The following STK38L variants were observed in gnomAD, a reference collection of about 807,000 sequenced individuals.
The protein encoded by STK38L is serine/threonine-protein kinase 38-like.
STK38L carries 28 observed loss-of-function variants against 59.7 expected under a neutral mutation model. That is an observed-to-expected ratio of 0.47 (90% CI 0.35 to 0.64). The LOEUF (loss-of-function observed/expected upper bound fraction) is 0.64, where lower values mean the gene tolerates loss of function less well. Ranked by LOEUF, STK38L falls within the 30% of genes least tolerant of loss-of-function variation. The pLI is 0.01. For synonymous variants in STK38L, 162 were observed against 176.8 expected (o/e 0.92, Z 0.66); for missense variants, 314 against 555.8 (o/e 0.56, Z 4.37).
chr12:27,300,103 A>G (rs568859592), intron 2 of STK38L, among the ~76,000 whole-genome samples: 1 of 152,276 alleles, frequency 6.6e-6, no homozygotes, highest in East Asian at 1.9e-4. Context: ...CTTTTTCCAA[A>G]TAAAGGAAAG....
intron 1 of STK38L, among the ~76,000 whole-genome samples, chr12:27,263,652 T>TA (rs1334508267): frequency 6.6e-6 from 1 of 152,212 alleles, no homozygotes; most frequent in Non-Finnish European, 1.5e-5. Flanking sequence ...ATGTACATGT[T>TA]AAAGAGAGGC....
intron 1 of STK38L, among the ~76,000 whole-genome samples, chr12:27,287,191 C>T (rs566320149): frequency 1.1e-4 from 16 of 151,764 alleles, no homozygotes; most frequent in South Asian, 4.2e-4. Context: ...CTGCAACCTC[C>T]GCCTCCCAGG....
At chr12:27,307,266 CTGTT>C (rs1466885797) in intron 3 of STK38L, among the ~76,000 whole-genome samples, 5 of 152,172 alleles carry the variant, frequency 3.3e-5, no homozygotes, top group African/African-American at 1.2e-4. Context: ...CTTCATTTAG[CTGTT>C]TGAAGACATT....
chr12:27,280,667 AC>A (rs1416783847), intron 1 of STK38L, among the ~76,000 whole-genome samples: 1 of 152,224 alleles, frequency 6.6e-6, no homozygotes, highest in Non-Finnish European at 1.5e-5. Context: ...CGGAGATAAG[AC>A]TGGCTGCCAT....
Position 27,319,383 on chromosome 12 carries a change from G to C in STK38L, c.1135G>C (p.Gly379Arg). 2 of 1,613,306 alleles carry C rather than the reference G, an allele frequency of 1.2e-6. No individual in the cohort carries two copies. Among genetic ancestry groups the C allele is most frequent in the Non-Finnish European group, 8.5e-7 (1 of 1,179,536 alleles). The change falls in exon 12 of 14, where the codon GGT becomes CGT. Residue 379 changes from glycine (G) to arginine (R), a missense_variant. Transcript: ENST00000389032. Reference protein sequence around the residue: ...IGNSGVEEIKGHPFFEGVDWE... With the variant: ...IGNSGVEEIKRHPFFEGVDWE... The stretch of plus-strand genomic sequence containing the variant: ...AAATAGTGGAGTAGAAGAAATAAAA[G>C]GTCATCCCTTTTTTGAAGGTGTCGA...
intron 1 of STK38L, among the ~76,000 whole-genome samples, chr12:27,292,979 T>A (rs1262196080): frequency 6.6e-6 from 1 of 152,170 alleles, no homozygotes; most frequent in Non-Finnish European, 1.5e-5. Flanking sequence ...CTCACTCTGT[T>A]ACCCAGGCTG....
intron 1 of STK38L, among the ~76,000 whole-genome samples, chr12:27,275,089 C>T (rs1489102131): frequency 7.2e-5 from 11 of 152,132 alleles, no homozygotes; most frequent in Admixed American, 6.5e-4. Flanking sequence ...GCTTCCTTAC[C>T]ACTTTTCAAG....
At chr12:27,271,242 C>T (rs936469166) in intron 1 of STK38L, among the ~76,000 whole-genome samples, 3 of 152,216 alleles carry the variant, frequency 2.0e-5, no homozygotes, top group Non-Finnish European at 4.4e-5. Flanking sequence ...TCATAGGTAT[C>T]TGAAGAAATA....
At chr12:27,275,153 T>C (rs899914395) in intron 1 of STK38L, among the ~76,000 whole-genome samples, 8 of 152,196 alleles carry the variant, frequency 5.3e-5, no homozygotes, top group African/African-American at 1.9e-4. Context: ...ATCTGGTTCC[T>C]ACTTTCCTGT....
At chr12:27,294,766 G>A (rs1277350669) in intron 1 of STK38L, among the ~76,000 whole-genome samples, 12 of 150,208 alleles carry the variant, frequency 8.0e-5, no homozygotes, top group Non-Finnish European at 1.5e-5. Flanking sequence ...AGGCTGCAGT[G>A]CAGTGGTTCA....
At chr12:27,252,219 T>A (rs1323611914) in intron 1 of STK38L, among the ~76,000 whole-genome samples, 1 of 152,172 alleles carries the variant, frequency 6.6e-6, no homozygotes, top group Non-Finnish European at 1.5e-5. Flanking sequence ...GACCTCGTGA[T>A]CCGCCTGCCT....
chr12:27,261,228 T>C (rs1943197450), intron 1 of STK38L, among the ~76,000 whole-genome samples: 1 of 152,160 alleles, frequency 6.6e-6, no homozygotes, highest in African/African-American at 2.4e-5. Flanking sequence ...TGTGGGAGAA[T>C]TCTAGCGGCT....
chr12:27,296,562 T>G (rs1344872609), intron 1 of STK38L, among the ~76,000 whole-genome samples: 1 of 152,234 alleles, frequency 6.6e-6, no homozygotes, highest in Non-Finnish European at 1.5e-5. Flanking sequence ...GCTCTGTATC[T>G]TCTTTACTTA....
Position 27,308,413 on chromosome 12 carries a change from G to A in STK38L, c.261G>A (p.Leu87=). 6.3e-7 allele frequency: 1 copy of A among 1,598,700 alleles called. No individual in the cohort carries two copies. Among genetic ancestry groups the A allele is most frequent in the Non-Finnish European group, 8.5e-7 (1 of 1,170,878 alleles). Residue 87 remains leucine (L), a synonymous_variant, in exon 4 of 14, where the codon TTG becomes TTA. Transcript: ENST00000389032. This position sits in a 1 kb window ranked among gnomAD's most constrained non-coding sequence, Gnocchi z 4.5. ...GGCTCAAAAGGACCAGACTTGGCTTGGATGACTTTGAGTCTCTGAAAGTTA... is the reference window on the plus strand; with the variant it reads ...GGCTCAAAAGGACCAGACTTGGCTTAGATGACTTTGAGTCTCTGAAAGTTA... ...FLRLKRTRLG[L]DDFESLKVIG...
chr12:27,261,661 A>G (rs946505737), intron 1 of STK38L, among the ~76,000 whole-genome samples: 3 of 152,196 alleles, frequency 2.0e-5, no homozygotes, highest in African/African-American at 4.8e-5. Context: ...CAGTTAATCA[A>G]AATTACATAG....
At position 27,308,091 on chromosome 12, in the gene STK38L, T is replaced by TACAC. The variant is rs1555141930; in HGVS notation, c.187-247_187-246insCACA. On this transcript the variant is annotated intron_variant, in intron 3 of 13. Coordinates refer to ENST00000389032, the MANE Select transcript of STK38L (RefSeq NM_015000.4). This position sits in a 1 kb window ranked among gnomAD's most constrained non-coding sequence, Gnocchi z 4.5. ...TTACCATATAGATGAAAGAATAAGT[T>TACAC]ATACATATATATATATATAGACAAA... Among the ~76,000 whole-genome samples the TACAC allele has an allele frequency of 1.4e-5, 1 of 70,142 alleles. No individual in the cohort carries two copies. The highest frequency in any genetic ancestry group is 2.7e-5 in the Non-Finnish European group (1 of 36,712). The allele number at this position is 70,142 out of a possible 152,430, so 46.0% of individuals were successfully genotyped here.
At position 27,322,122 on chromosome 12, in the gene STK38L, A is replaced by G. The variant is rs534975375; in HGVS notation, c.1176-21A>G. Reference sequence around the variant, plus strand: ...GAGAGTTCAAGAAAAGTTACCATGCATACTTAATACCTTTTTATAGGGAAA... The same window carrying G: ...GAGAGTTCAAGAAAAGTTACCATGCGTACTTAATACCTTTTTATAGGGAAA... On this transcript the variant is annotated intron_variant, in intron 12 of 13. Transcript: ENST00000389032. 1.7e-5 allele frequency: 28 copies of G among 1,602,390 alleles called. No individual in the cohort carries two copies. The South Asian group carries it at 2.6e-4, about 15-fold the overall frequency.
chr12:27,313,135 C>A (rs954005123), intron 6 of STK38L, among the ~76,000 whole-genome samples: 3 of 151,666 alleles, frequency 2.0e-5, no homozygotes, highest in South Asian at 2.1e-4. Flanking sequence ...GTAGTCCCAG[C>A]TACTTGGGAG....
At chr12:27,321,698 A>G (rs1461358765) in intron 12 of STK38L, among the ~76,000 whole-genome samples, 1 of 152,240 alleles carries the variant, frequency 6.6e-6, no homozygotes, top group East Asian at 1.9e-4. Context: ...CAAAAAAAAT[A>G]GAATGAATAA....
Sources: gnomAD v4.1 joint callset for allele counts (sites outside exome capture counted in the v4.1 genomes callset) on GRCh38, gnomAD v4.1.1 for gene constraint, Gnocchi (gnomAD v3.1) non-coding constraint, MANE v1.5 for transcripts, NCBI Gene and HGNC (gene_info 2026-07-23, HGNC 2026-07-21) for gene names.